ZNF780A: variants seen among roughly 807,000 people sequenced by gnomAD.
ZNF780A encodes the protein zinc finger protein 780A.
A neutral mutation model predicts 56.7 loss-of-function variants in ZNF780A; 40 were observed. The ratio of observed to expected loss-of-function variants is 0.71; its 90% CI spans 0.55 to 0.92. The LOEUF (loss-of-function observed/expected upper bound fraction) is 0.92. Ranked by LOEUF, ZNF780A falls within the 40% of genes least tolerant of loss-of-function variation. The pLI, the probability that ZNF780A is intolerant of heterozygous loss-of-function variation, is 0.00. For missense variants in ZNF780A, 672 were observed against 783.3 expected (o/e 0.86, Z 1.70); for synonymous variants, 231 against 248.3 (o/e 0.93, Z 0.66).
rs1329561367 is a variant in ZNF780A at position 40,075,287 on chromosome 19, A to C, written c.1155T>G (p.Gly385=). The change falls in exon 6 of 6, where the codon GGT becomes GGG. Residue 385 remains glycine (G), a synonymous_variant. Transcript: ENST00000683561. Reference sequence around the variant, plus strand: ...ATTCCTTACATTCAAACGGTTTTTCACCTGTGTGAATGTTCTTATGGCGAT... The same window carrying C: ...ATTCCTTACATTCAAACGGTTTTTCCCCTGTGTGAATGTTCTTATGGCGAT... ...QLNRHKNIHT[G]EKPFECKECG... 6.2e-7 allele frequency: 1 copy of C among 1,613,488 alleles called. No homozygotes were observed. Among genetic ancestry groups the C allele is most frequent in the African/African-American group, 1.3e-5 (1 of 74,748 alleles).
chr19:40,089,957 TG>T (rs1446751004), intron 2 of ZNF780A, among the ~76,000 whole-genome samples: 1 of 152,102 alleles, frequency 6.6e-6, no homozygotes, highest in Non-Finnish European at 1.5e-5. Context: ...CTACTGGAGG[TG>T]TATTTCTATA....
In ZNF780A at chr19:40,075,693, T is replaced by G. The variant is rs375913465; in HGVS notation, c.749A>C (p.Glu250Ala). 14 of 1,614,006 alleles carry G rather than the reference T, an allele frequency of 8.7e-6. No individual in the cohort carries two copies. In the African/African-American group the frequency reaches 1.5e-4, roughly 17 times the overall value. ...KNIHTGEKLF[E>A]CKECGKSFNR... Reference sequence around the variant, plus strand: ...AAAGGACTTCCCACATTCCTTACATTCAAACAGTTTCTCACCTGTGTGAAT... The same window carrying G: ...AAAGGACTTCCCACATTCCTTACATGCAAACAGTTTCTCACCTGTGTGAAT... Residue 250 changes from glutamate to alanine, a missense_variant, in exon 6 of 6, where the codon GAA becomes GCA. Transcript: ENST00000683561.
At chr19:40,082,436 T>C (rs1974532790) in intron 4 of ZNF780A, among the ~76,000 whole-genome samples, 2 of 152,230 alleles carry the variant, frequency 1.3e-5, no homozygotes, top group African/African-American at 4.8e-5. Flanking sequence ...TCACTCAGTA[T>C]ATTCACTAAA....
intron 1 of ZNF780A, chr19:40,090,451 G>GCC (rs377178213): frequency 2.6e-5 from 4 of 152,236 alleles, no homozygotes; most frequent in African/African-American, 9.7e-5. Flanking sequence ...ACATGTAGCT[G>GCC]CCCCCCTGGG....
intron 5 of ZNF780A, 104 bp from the exon 6 acceptor site, chr19:40,076,313 T>A (rs1233697088): frequency 8.6e-7 from 1 of 1,169,420 alleles, no homozygotes; most frequent in Non-Finnish European, 1.2e-6. Context: ...AATAAAACCT[T>A]TATTGATTTT....
chr19:40,069,552 T>A (rs1973748510), downstream of ZNF780A: 1 of 152,184 alleles, frequency 6.6e-6, no homozygotes, highest in African/African-American at 2.4e-5. Flanking sequence ...TGTACCATCA[T>A]AAAGCTGAGA....
At chr19:40,081,725 A>AGCTT (rs1974489266) in intron 5 of ZNF780A, 94 bp downstream of exon 5, 2 of 1,090,250 alleles carry the variant, frequency 1.8e-6, no homozygotes, top group Admixed American at 3.7e-5. Context: ...CACTGAAGAA[A>AGCTT]GCTTTTCAAA....
In ZNF780A at chr19:40,075,569, G is replaced by T. The variant is rs752245514; in HGVS notation, c.873C>A (p.His291Gln). Residue 291 changes from histidine (H) to glutamine (Q), a missense_variant, in exon 6 of 6, where the codon CAC becomes CAA. His to Gln is a conservative substitution (Grantham distance 24, BLOSUM62 0). Transcript: ENST00000683561. ...ECGKGFNRGA[H>Q]LIQHQKIHSN... ...AATGAATTTTCTGATGCTGAATAAG[G>T]TGTGCACCACGATTAAAGCCTTTCC... The T allele has an allele frequency of 5.6e-6, 9 of 1,612,254 alleles. No individual in the cohort carries two copies. The highest frequency in any genetic ancestry group is 7.6e-6 in the Non-Finnish European group (9 of 1,179,536).
chr19:40,075,899 A>C lies in ZNF780A; in HGVS notation c.543T>G (p.Ile181Met). 6.2e-7 allele frequency: 1 copy of C among 1,614,174 alleles called. No homozygotes were observed. Among genetic ancestry groups the C allele is most frequent in the Non-Finnish European group, 8.5e-7 (1 of 1,180,012 alleles). Residue 181 changes from isoleucine (I) to methionine (M), a missense_variant, in exon 6 of 6, where the codon ATT becomes ATG. Transcript: ENST00000683561. ...GKYFSRSANL[I>M]QHQSIHTGEK... ...CTCCAGTATGAATACTCTGATGCTGAATAAGATTTGCACTACGACTAAAGT... is the reference window on the plus strand; with the variant it reads ...CTCCAGTATGAATACTCTGATGCTGCATAAGATTTGCACTACGACTAAAGT...
rs759515065 is a variant in ZNF780A at position 40,074,554 on chromosome 19, G to A, written c.1888C>T (p.Arg630Cys). Residue 630 changes from arginine to cysteine, a missense_variant, in exon 6 of 6, where the codon CGC (arginine) becomes TGC (cysteine). Transcript: ENST00000683561. ...TCACCTGTGTGAATGTTCTTATGGCGATTAAGCTGGGTGGGAAGACTAAAA... is the reference window on the plus strand; with the variant it reads ...TCACCTGTGTGAATGTTCTTATGGCAATTAAGCTGGGTGGGAAGACTAAAA... ...KVFSLPTQLN[R>C]HKNIHTGEKA... The A allele has an allele frequency of 3.6e-5, 58 of 1,613,762 alleles. 1 individual carries two copies. Among genetic ancestry groups the A allele is most frequent in the South Asian group, 3.3e-4 (30 of 91,052 alleles).
intron 5 of ZNF780A, among the ~76,000 whole-genome samples, chr19:40,077,710 C>T (rs184891457): frequency 4.5e-4 from 69 of 152,024 alleles, no homozygotes; most frequent in African/African-American, 1.5e-3. Flanking sequence ...ACCAAAGGCA[C>T]TGTTTACAGC....
Position 40,073,677 on chromosome 19 carries a change from C to T in ZNF780A, c.*839G>A. 1 of 985,746 alleles carries T rather than the reference C, an allele frequency of 1.0e-6. No individual in the cohort carries two copies. Among genetic ancestry groups the T allele is most frequent in the Non-Finnish European group, 1.2e-6 (1 of 830,206 alleles). 61.1% of individuals were successfully genotyped at this position (985,746 alleles called of 1,614,324 possible). A position where few individuals can be genotyped will look rare whatever the true frequency, so the allele number is the denominator to read the frequency against. On this transcript the variant is annotated 3_prime_UTR_variant, in exon 6 of 6. Transcript: ENST00000683561. ...TATAAAACGCCCCACATTCCTTACACTCAAAGATTTCTCAGAAGTATGAAT... is the reference window on the plus strand; with the variant it reads ...TATAAAACGCCCCACATTCCTTACATTCAAAGATTTCTCAGAAGTATGAAT...
chr19:40,088,154 A>C (rs1393471413), intron 2 of ZNF780A, among the ~76,000 whole-genome samples: 1 of 152,188 alleles, frequency 6.6e-6, no homozygotes, highest in Admixed American at 6.5e-5. Context: ...AAAAGCAAAA[A>C]TGAACGAATG....
rs751265893 is a variant in ZNF780A, at chr19:40,074,882, C to G, written c.1560G>C (p.Gln520His). 1.9e-6 allele frequency: 3 copies of G among 1,614,040 alleles called. No homozygotes were observed. In the South Asian group the frequency reaches 3.3e-5, roughly 18 times the overall value. Residue 520 changes from glutamine to histidine, a missense_variant, in exon 6 of 6, where the codon CAG becomes CAC. Coordinates refer to ENST00000683561, the MANE Select transcript of ZNF780A (RefSeq NM_001142578.2). ...ATGGTTTTTCACCTGTGTGAGTTTTCTGATGTTGGGAAAGTTGTAGGTAAA... is the reference window on the plus strand; with the variant it reads ...ATGGTTTTTCACCTGTGTGAGTTTTGTGATGTTGGGAAAGTTGTAGGTAAA... ...FRLYLQLSQHQKTHTGEKPFE... is the reference protein window; with the variant it reads ...FRLYLQLSQHHKTHTGEKPFE...
intron 2 of ZNF780A, among the ~76,000 whole-genome samples, chr19:40,086,857 C>T (rs1974827552): frequency 6.6e-6 from 1 of 151,968 alleles, no homozygotes; most frequent in South Asian, 2.1e-4. Context: ...CGCCTGCCAC[C>T]ACTCCCGGCT....
chr19:40,086,457 T>G (rs57900299), intron 2 of ZNF780A, among the ~76,000 whole-genome samples: 1 of 152,148 alleles, frequency 6.6e-6, no homozygotes, highest in South Asian at 2.1e-4. Flanking sequence ...CTCACCAATA[T>G]AATTAGATAT....
At chr19:40,089,531 T>A in intron 2 of ZNF780A, 1 of 272,774 alleles carries the variant, frequency 3.7e-6, no homozygotes, top group Non-Finnish European at 6.9e-6. Flanking sequence ...TATTAATTCA[T>A]TCTAATGACA....
intron 5 of ZNF780A, among the ~76,000 whole-genome samples, chr19:40,078,339 A>G (rs1974276431): frequency 6.6e-6 from 1 of 152,156 alleles, no homozygotes. Flanking sequence ...GGTCCCAGAG[A>G]TGAAGAGAAA....
chr19:40,074,453 C>T lies in ZNF780A; in HGVS notation c.*63G>A, dbSNP rs533244447. 1.9e-4 allele frequency: 301 copies of T among 1,595,958 alleles called. No homozygotes were observed. The highest frequency in any genetic ancestry group is 2.4e-4 in the African/African-American group (18 of 74,562). ...ACATTCACATGGTTTTACACCAGCA[C>T]GAATACTCTGATGTTGAACATGGTT... is the stretch of plus-strand genomic sequence containing the variant. On this transcript the variant is annotated 3_prime_UTR_variant, in exon 6 of 6. Coordinates refer to ENST00000683561, the MANE Select transcript of ZNF780A (RefSeq NM_001142578.2).
Sources: gnomAD v4.1 joint callset for allele counts (sites outside exome capture counted in the v4.1 genomes callset) on GRCh38, gnomAD v4.1.1 for gene constraint, MANE v1.5 for transcripts, NCBI Gene and HGNC (gene_info 2026-07-23, HGNC 2026-07-21) for gene names.